TTLL11: variants seen among roughly 807,000 people sequenced by gnomAD.
The protein encoded by TTLL11 is tubulin tyrosine ligase like 11.
TTLL11 carries 42 observed loss-of-function variants against 51.7 expected under a neutral mutation model. The ratio of observed to expected loss-of-function variants is 0.81; its 90% CI spans 0.64 to 1.05. The LOEUF is 1.05. Among genes scored for constraint, TTLL11 ranks in the 50% least tolerant of loss-of-function variants. The pLI, the probability that TTLL11 is intolerant of heterozygous loss-of-function variation, is 0.00. For synonymous variants in TTLL11, 381 were observed against 383.5 expected, an observed-to-expected ratio of 0.99 and a Z score of 0.08; for missense variants, 799 against 940.4, an observed-to-expected ratio of 0.85 and a Z score of 1.97.
chr9:122,024,191 G>T (rs2131788070), intron 3 of TTLL11, among the ~76,000 whole-genome samples: 1 of 152,192 alleles, frequency 6.6e-6, no homozygotes. Context: ...ATAAAACACT[G>T]CCAATATATC....
At chr9:122,014,106 T>C (rs1480603335) in intron 3 of TTLL11, among the ~76,000 whole-genome samples, 1 of 152,166 alleles carries the variant, frequency 6.6e-6, no homozygotes, top group African/African-American at 2.4e-5. Flanking sequence ...GGCTCACACC[T>C]GTAATCCCAG....
chr9:121,906,736 G>A (rs532862635), intron 6 of TTLL11, among the ~76,000 whole-genome samples: 4 of 152,268 alleles, frequency 2.6e-5, no homozygotes, highest in African/African-American at 9.6e-5. Context: ...ATAATCAGAA[G>A]AGAGTATTAT....
chr9:121,842,807 T>C (rs1231073482), intron 8 of TTLL11, among the ~76,000 whole-genome samples: 3 of 152,200 alleles, frequency 2.0e-5, no homozygotes, highest in Admixed American at 6.5e-5. Context: ...TAAACACTTC[T>C]GGAATGTTGG....
At chr9:121,926,985 G>A (rs1840760225) in intron 6 of TTLL11, among the ~76,000 whole-genome samples, 1 of 152,144 alleles carries the variant, frequency 6.6e-6, no homozygotes, top group Non-Finnish European at 1.5e-5. Context: ...GGGTGAAGGA[G>A]CTCTCGGGCC....
chr9:121,884,176 C>A (rs772954361), intron 6 of TTLL11, among the ~76,000 whole-genome samples: 8 of 152,154 alleles, frequency 5.3e-5, no homozygotes, highest in Non-Finnish European at 8.8e-5. Context: ...GAGGGACAGC[C>A]CTAAGGAGCA....
chr9:121,861,463 G>A (rs1044786364), intron 7 of TTLL11, among the ~76,000 whole-genome samples: 3 of 152,130 alleles, frequency 2.0e-5, no homozygotes, highest in Admixed American at 6.6e-5. Context: ...TCTGAGTCTC[G>A]GTGTCCTCAT....
chr9:121,970,604 A>G (rs1842521216), intron 6 of TTLL11, among the ~76,000 whole-genome samples: 2 of 152,266 alleles, frequency 1.3e-5, no homozygotes, highest in Non-Finnish European at 2.9e-5. Context: ...AAAAAAGCTC[A>G]TCATCACTGG....
chr9:121,896,225 C>T (rs1420219234), intron 6 of TTLL11, among the ~76,000 whole-genome samples: 1 of 152,094 alleles, frequency 6.6e-6, no homozygotes, highest in Non-Finnish European at 1.5e-5. Context: ...GGGAATGGTT[C>T]CACCTTGGTC....
chr9:121,864,889 C>T (rs958440862), intron 7 of TTLL11, among the ~76,000 whole-genome samples: 5 of 152,176 alleles, frequency 3.3e-5, no homozygotes, highest in African/African-American at 1.2e-4. Context: ...ACTTTTTCCA[C>T]TCCATAAAAT....
At chr9:121,873,899 C>A (rs1015260496) in intron 6 of TTLL11, among the ~76,000 whole-genome samples, 1 of 131,708 alleles carries the variant, frequency 7.6e-6, no homozygotes, top group African/African-American at 3.0e-5. Context: ...AGTGTAGTGG[C>A]GTGATCTTGG....
chr9:122,006,340 CAAA>C (rs5900505), intron 3 of TTLL11, among the ~76,000 whole-genome samples: 2 of 138,886 alleles, frequency 1.4e-5, no homozygotes. Flanking sequence ...GAGACTATCT[CAAA>C]AAAAAAAAAA....
chr9:122,021,620 A>G lies in TTLL11; in HGVS notation c.693+10103T>C, dbSNP rs372280779. Among the ~76,000 whole-genome samples the G allele has an allele frequency of 1.2e-4, 18 of 152,320 alleles. 1 individual carries two copies. The highest frequency in any genetic ancestry group is 4.3e-4 in the African/African-American group (18 of 41,568). On this transcript the variant is annotated intron_variant, in intron 3 of 8. Coordinates refer to ENST00000321582, the MANE Select transcript of TTLL11 (RefSeq NM_001139442.2). ...AGTAGTGAGGAATAGTAAGCCTTAG[A>G]CTGAGTACCACTCCAGTCCTGCTTA...
chr9:122,016,084 G>C (rs1351228089), intron 3 of TTLL11, among the ~76,000 whole-genome samples: 2 of 152,160 alleles, frequency 1.3e-5, no homozygotes, highest in Non-Finnish European at 2.9e-5. Flanking sequence ...CAGACGTCGG[G>C]GGCAGAGTAG....
At chr9:121,931,239 G>A (rs1367207005) in intron 6 of TTLL11, among the ~76,000 whole-genome samples, 3 of 152,202 alleles carry the variant, frequency 2.0e-5, no homozygotes, top group African/African-American at 7.2e-5. Context: ...TTGGGGCAGA[G>A]AGCACATGCT....
chr9:121,944,671 T>A (rs751947800), intron 6 of TTLL11, among the ~76,000 whole-genome samples: 1 of 152,186 alleles, frequency 6.6e-6, no homozygotes, highest in Non-Finnish European at 1.5e-5. Flanking sequence ...GCGTGGTCCA[T>A]TGGCAAATGG....
At chr9:121,856,744 G>A (rs1837833961) in intron 8 of TTLL11, among the ~76,000 whole-genome samples, 1 of 152,214 alleles carries the variant, frequency 6.6e-6, no homozygotes, top group Non-Finnish European at 1.5e-5. Context: ...GCAGCTGTGG[G>A]ATGGGGAAAG....
chr9:122,031,342 C>A (rs569330494), intron 3 of TTLL11, among the ~76,000 whole-genome samples: 1 of 152,324 alleles, frequency 6.6e-6, no homozygotes, highest in South Asian at 2.1e-4. Context: ...TGACCTCCCA[C>A]ATCTCAGGCC....
At chr9:121,967,903 T>C (rs899991818) in intron 6 of TTLL11, among the ~76,000 whole-genome samples, 2 of 152,126 alleles carry the variant, frequency 1.3e-5, no homozygotes, top group Non-Finnish European at 1.5e-5. Context: ...AAAGACTGCA[T>C]AGGGTATGAT....
In TTLL11 at chr9:121,835,588, C is replaced by T. The variant is rs184719900; in HGVS notation, c.1841-12709G>A. ...AAATTAATTAAGTGTCACGACTGGACCATAAATAGAACTTGCAGAAAAATC... is the reference window on the plus strand; with the variant it reads ...AAATTAATTAAGTGTCACGACTGGATCATAAATAGAACTTGCAGAAAAATC... On this transcript the variant is annotated intron_variant, in intron 8 of 8. Coordinates refer to ENST00000321582, the MANE Select transcript of TTLL11 (RefSeq NM_001139442.2). Among the ~76,000 whole-genome samples, 61 of 152,322 alleles carry T rather than the reference C, an allele frequency of 4.0e-4. 2 individuals carry two copies. In the East Asian group the frequency reaches 8.7e-3, roughly 22 times the overall value.
Sources: allele counts gnomAD v4.1 joint callset (sites outside exome capture counted in the v4.1 genomes callset), GRCh38; gene constraint gnomAD v4.1.1; transcripts MANE v1.5; gene names NCBI Gene and HGNC (gene_info 2026-07-23, HGNC 2026-07-21).